FSTL5: variants seen among roughly 807,000 people sequenced by gnomAD.
The protein encoded by FSTL5 is follistatin like 5.
Under a neutral mutation model 89.1 loss-of-function variants are expected in FSTL5, and 62 were observed. The observed-to-expected ratio is 0.70, with a 90% CI of 0.57 to 0.86. FSTL5 has a LOEUF of 0.86. Ranked by LOEUF, FSTL5 falls within the 40% of genes least tolerant of loss-of-function variation. The pLI is 0.00. For missense variants in FSTL5, 1,057 were observed against 1,001.6 expected, an observed-to-expected ratio of 1.06 and a Z score of -0.75; for synonymous variants, 383 against 346.2, an observed-to-expected ratio of 1.11 and a Z score of -1.18.
chr4:161,898,823 G>GT (rs897306344), intron 4 of FSTL5, among the ~76,000 whole-genome samples: 4 of 151,634 alleles, frequency 2.6e-5, no homozygotes, highest in Admixed American at 2.0e-4. Flanking sequence ...TAGAGACGGG[G>GT]TTTCACCGTG....
intron 7 of FSTL5, among the ~76,000 whole-genome samples, chr4:161,627,377 T>C (rs1462795013): frequency 1.3e-5 from 2 of 152,220 alleles, no homozygotes; most frequent in African/African-American, 4.8e-5. Context: ...TTCAGGCATT[T>C]ACATTTATAT....
intron 3 of FSTL5, among the ~76,000 whole-genome samples, chr4:161,969,310 A>T (rs759606845): frequency 1.4e-4 from 22 of 152,290 alleles, no homozygotes; most frequent in Admixed American, 1.2e-3. Flanking sequence ...TTATCCACCC[A>T]AGTGTTGAAA....
rs115511003 is a variant in FSTL5 at position 162,091,647 on chromosome 4, G to C, written c.126+19624C>G. The stretch of plus-strand genomic sequence containing the variant: ...CAAGGTTTCATTTGTGGCCTGATGA[G>C]TTTTAAGTTTGTTTGTCCTCTGCTA... On this transcript the variant is annotated intron_variant, in intron 2 of 15. Transcript: ENST00000306100. 7.3e-3 allele frequency among the ~76,000 whole-genome samples: 1,105 copies of C among 152,136 alleles called. 14 individuals are homozygous for C. Among genetic ancestry groups the C allele is most frequent in the African/African-American group, 0.025 (1,046 of 41,514 alleles).
At chr4:162,033,504 G>A (rs1226684219) in intron 3 of FSTL5, 121 bp downstream of exon 3, 12 of 593,942 alleles carry the variant, frequency 2.0e-5, no homozygotes, top group Non-Finnish European at 3.2e-5. Context: ...AAATCACACT[G>A]AATATTTTTA....
intron 6 of FSTL5, among the ~76,000 whole-genome samples, chr4:161,732,441 TG>T (rs1176386883): frequency 6.6e-6 from 1 of 152,026 alleles, no homozygotes; most frequent in Admixed American, 6.6e-5. Flanking sequence ...TCTCATTCTA[TG>T]GGGGACCTTT....
chr4:161,638,606 C>A (rs1280104771), intron 7 of FSTL5, among the ~76,000 whole-genome samples: 1 of 148,208 alleles, frequency 6.7e-6, no homozygotes, highest in Non-Finnish European at 1.5e-5. Context: ...TGAAACTATT[C>A]CAATCAATAG....
chr4:161,573,464 A>G (rs1353576532), intron 8 of FSTL5, among the ~76,000 whole-genome samples: 6 of 149,664 alleles, frequency 4.0e-5, no homozygotes, highest in Non-Finnish European at 7.4e-5. Context: ...TAAAGCCAGG[A>G]GCGGTGGCTC....
At chr4:161,652,373 T>C (rs1270543557) in intron 7 of FSTL5, among the ~76,000 whole-genome samples, 1 of 152,140 alleles carries the variant, frequency 6.6e-6, no homozygotes, top group African/African-American at 2.4e-5. Flanking sequence ...AGTTCAAGGC[T>C]ACAGTGAGCT....
chr4:162,098,725 C>T (rs1477272874), intron 2 of FSTL5, among the ~76,000 whole-genome samples: 5 of 151,906 alleles, frequency 3.3e-5, no homozygotes, highest in Admixed American at 1.3e-4. Flanking sequence ...AAAGAATAGA[C>T]AAACATATCA....
chr4:161,388,600 T>G (rs906198879), intron 15 of FSTL5, among the ~76,000 whole-genome samples: 1 of 152,086 alleles, frequency 6.6e-6, no homozygotes, highest in East Asian at 1.9e-4. Context: ...CCATTAAGGA[T>G]GTATAGGTGT....
chr4:161,652,327 T>G (rs1312024140), intron 7 of FSTL5, among the ~76,000 whole-genome samples: 1 of 152,094 alleles, frequency 6.6e-6, no homozygotes, highest in Non-Finnish European at 1.5e-5. Context: ...CCTAGCTACT[T>G]GGGAGGTTGA....
intron 4 of FSTL5, among the ~76,000 whole-genome samples, chr4:161,803,404 CA>C (rs1340037550): frequency 6.6e-6 from 1 of 151,910 alleles, no homozygotes; most frequent in Admixed American, 6.6e-5. Context: ...CAAAGTTTCC[CA>C]TTTTGAAATA....
chr4:161,825,781 T>C (rs1445690429), intron 4 of FSTL5, among the ~76,000 whole-genome samples: 2 of 152,168 alleles, frequency 1.3e-5, no homozygotes, highest in African/African-American at 4.8e-5. Context: ...TCTCTCTTCC[T>C]TACCTAGTTA....
chr4:161,682,991 C>T (rs1042004002), intron 6 of FSTL5, among the ~76,000 whole-genome samples: 1 of 152,104 alleles, frequency 6.6e-6, no homozygotes, highest in Admixed American at 6.6e-5. Flanking sequence ...GTGATCCACC[C>T]ACCTCGGCCT....
intron 4 of FSTL5, among the ~76,000 whole-genome samples, chr4:161,901,897 G>T (rs9684686): frequency 0.83 from 125,347 of 151,800 alleles, 52,388 homozygotes; most frequent in Non-Finnish European, 0.89. Context: ...ATCGCGCCCT[G>T]GCACTCCAGC....
At chr4:162,085,207 T>A (rs916096431) in intron 2 of FSTL5, among the ~76,000 whole-genome samples, 21 of 152,124 alleles carry the variant, frequency 1.4e-4, no homozygotes, top group Non-Finnish European at 2.8e-4. Flanking sequence ...CTTTTGAGGC[T>A]ATTGAATAGA....
intron 7 of FSTL5, among the ~76,000 whole-genome samples, chr4:161,635,481 T>C (rs983746931): frequency 6.8e-5 from 6 of 87,694 alleles, no homozygotes; most frequent in African/African-American, 3.8e-4. Context: ...AGTTGTTTCT[T>C]GTTACAAATT....
At chr4:161,622,360 G>GCTA (rs1735165584) in intron 7 of FSTL5, among the ~76,000 whole-genome samples, 1 of 151,946 alleles carries the variant, frequency 6.6e-6, no homozygotes, top group South Asian at 2.1e-4. Flanking sequence ...AGGAAGAAGG[G>GCTA]CTACCTCTGA....
intron 2 of FSTL5, among the ~76,000 whole-genome samples, chr4:162,074,877 C>T (rs892713463): frequency 6.6e-6 from 1 of 151,738 alleles, no homozygotes; most frequent in Non-Finnish European, 1.5e-5. Context: ...GCCTAGCCCA[C>T]CTTAGATGTG....
Sources: allele counts gnomAD v4.1 joint callset (sites outside exome capture counted in the v4.1 genomes callset), GRCh38; gene constraint gnomAD v4.1.1; transcripts MANE v1.5; gene names NCBI Gene and HGNC (gene_info 2026-07-23, HGNC 2026-07-21).